The following CACNA2D3 variants were observed in gnomAD, a reference collection of about 807,000 sequenced individuals.
CACNA2D3 encodes calcium voltage-gated channel auxiliary subunit alpha2delta 3.
CACNA2D3 carries 60 observed loss-of-function variants against 160.6 expected under a neutral mutation model. The observed-to-expected ratio is 0.37, with a 90% CI of 0.30 to 0.46. CACNA2D3 has a LOEUF of 0.46. CACNA2D3 is among the 20% of genes least tolerant of loss of function. The pLI is 1.00. For missense variants in CACNA2D3, 1,205 were observed against 1,365.0 expected (o/e 0.88, Z 1.85); for synonymous variants, 558 against 492.9 (o/e 1.13, Z -1.75).
rs766108140 is a variant in CACNA2D3, at chr3:54,963,657, A to G, written c.2450-4793A>G. ...TGGTATTCTGCAAAGCAAATGGTCT[A>G]TGTGTTTTGGATGATGCCCTGCATT... On this transcript the variant is annotated intron_variant, in intron 27 of 37. Transcript: ENST00000474759. Among the ~76,000 whole-genome samples the G allele has an allele frequency of 3.0e-4, 46 of 152,138 alleles. 1 individual carries two copies. Among genetic ancestry groups the G allele is most frequent in the South Asian group, 2.1e-4 (1 of 4,830 alleles).
intron 4 of CACNA2D3, among the ~76,000 whole-genome samples, chr3:54,406,285 GAAACAA>G (rs1699575047): frequency 2.0e-5 from 3 of 152,052 alleles, no homozygotes; most frequent in Admixed American, 2.0e-4. Context: ...CCATGATAGA[GAAACAA>G]CCTAGGTGCC....
chr3:54,220,220 G>A (rs758808848), intron 2 of CACNA2D3, among the ~76,000 whole-genome samples: 1 of 152,050 alleles, frequency 6.6e-6, no homozygotes, highest in Admixed American at 6.6e-5. Flanking sequence ...TGCTCTGATA[G>A]CACCAGTATT....
At chr3:54,488,469 G>A (rs1173114388) in intron 4 of CACNA2D3, among the ~76,000 whole-genome samples, 1 of 152,078 alleles carries the variant, frequency 6.6e-6, no homozygotes, top group African/African-American at 2.4e-5. Flanking sequence ...CATGGCATTA[G>A]ACTGAACAGT....
At chr3:54,471,365 C>A (rs919049225) in intron 4 of CACNA2D3, among the ~76,000 whole-genome samples, 1 of 152,142 alleles carries the variant, frequency 6.6e-6, no homozygotes, top group African/African-American at 2.4e-5. Flanking sequence ...AGAACAAAGA[C>A]ACATCGTACC....
intron 11 of CACNA2D3, among the ~76,000 whole-genome samples, chr3:54,682,905 G>A (rs990131761): frequency 2.6e-5 from 4 of 152,114 alleles, no homozygotes; most frequent in Non-Finnish European, 4.4e-5. Context: ...TCTTGATGAC[G>A]TCTCTGAAGC....
chr3:54,579,103 A>G (rs1702633945), intron 8 of CACNA2D3, among the ~76,000 whole-genome samples: 1 of 152,156 alleles, frequency 6.6e-6, no homozygotes, highest in South Asian at 2.1e-4. Context: ...ATTAGGTAGA[A>G]TGTCAATGAA....
intron 31 of CACNA2D3, among the ~76,000 whole-genome samples, chr3:54,990,724 C>A (rs1702720525): frequency 1.3e-5 from 2 of 152,150 alleles, no homozygotes; most frequent in Admixed American, 6.5e-5. Flanking sequence ...TGACAGCAGA[C>A]CTCTCCCCTG....
chr3:54,419,719 T>C (rs1699809020), intron 4 of CACNA2D3, among the ~76,000 whole-genome samples: 1 of 152,206 alleles, frequency 6.6e-6, no homozygotes, highest in Non-Finnish European at 1.5e-5. Flanking sequence ...CTTAGACATA[T>C]CTTAGCACTT....
intron 10 of CACNA2D3, among the ~76,000 whole-genome samples, chr3:54,640,812 G>C (rs1208577420): frequency 6.6e-6 from 1 of 152,166 alleles, no homozygotes; most frequent in East Asian, 1.9e-4. Flanking sequence ...GTACTCATCA[G>C]ATCCACCCGA....
chr3:54,510,797 G>A (rs1701447121), intron 5 of CACNA2D3, among the ~76,000 whole-genome samples: 1 of 152,142 alleles, frequency 6.6e-6, no homozygotes, highest in Admixed American at 6.5e-5. Context: ...AGAAAGTGAA[G>A]GTGCAGCATC....
intron 9 of CACNA2D3, among the ~76,000 whole-genome samples, chr3:54,585,353 A>C (rs1407062827): frequency 6.6e-6 from 1 of 152,370 alleles, no homozygotes; most frequent in African/African-American, 2.4e-5. Flanking sequence ...ACCTACAGCA[A>C]CCACTAAGAA....
chr3:54,346,683 C>A (rs113129440), intron 3 of CACNA2D3, among the ~76,000 whole-genome samples: 56 of 152,186 alleles, frequency 3.7e-4, no homozygotes, highest in African/African-American at 1.3e-3. Context: ...AATACTGATA[C>A]AATACTATTA....
intron 2 of CACNA2D3, among the ~76,000 whole-genome samples, chr3:54,194,452 A>C (rs1701037447): frequency 6.6e-6 from 1 of 152,182 alleles, no homozygotes; most frequent in Non-Finnish European, 1.5e-5. Context: ...AACCAGCCCC[A>C]GTTCTCCCTC....
At chr3:54,188,902 T>C (rs995040924) in intron 2 of CACNA2D3, among the ~76,000 whole-genome samples, 2 of 152,208 alleles carry the variant, frequency 1.3e-5, no homozygotes, top group South Asian at 4.1e-4. Context: ...ATACCATTTG[T>C]GGTGTTTGTC....
At chr3:54,381,973 T>C (rs911255479) in intron 3 of CACNA2D3, among the ~76,000 whole-genome samples, 2 of 152,222 alleles carry the variant, frequency 1.3e-5, no homozygotes, top group African/African-American at 2.4e-5. Context: ...TATATTGTTA[T>C]CATTTTTATT....
At chr3:54,861,910 A>G (rs977522175) in intron 17 of CACNA2D3, among the ~76,000 whole-genome samples, 1 of 152,248 alleles carries the variant, frequency 6.6e-6, no homozygotes, top group African/African-American at 2.4e-5. Flanking sequence ...CTGAGTTATG[A>G]ATCACATCAG....
intron 11 of CACNA2D3, among the ~76,000 whole-genome samples, chr3:54,644,165 A>G (rs1699587032): frequency 6.6e-6 from 1 of 152,122 alleles, no homozygotes; most frequent in Non-Finnish European, 1.5e-5. Context: ...CTCCAGACAA[A>G]ACACAAATTT....
At chr3:54,460,502 G>A (rs1385257319) in intron 4 of CACNA2D3, among the ~76,000 whole-genome samples, 1 of 152,296 alleles carries the variant, frequency 6.6e-6, no homozygotes, top group East Asian at 1.9e-4. Flanking sequence ...TCCCTTCTAA[G>A]TTGGAATCCT....
chr3:54,431,390 G>A (rs1699988335), intron 4 of CACNA2D3, among the ~76,000 whole-genome samples: 1 of 151,716 alleles, frequency 6.6e-6, no homozygotes, highest in South Asian at 2.1e-4. Flanking sequence ...GAATATATTT[G>A]CTATTAAATG....
Sources: gnomAD v4.1 joint callset for allele counts (sites outside exome capture counted in the v4.1 genomes callset) on GRCh38, gnomAD v4.1.1 for gene constraint, MANE v1.5 for transcripts, NCBI Gene and HGNC (gene_info 2026-07-23, HGNC 2026-07-21) for gene names.